TUBGCP3: variants seen among roughly 807,000 people sequenced by gnomAD.
TUBGCP3 encodes the protein gamma-tubulin complex component 3.
Under a neutral mutation model 123.1 loss-of-function variants are expected in TUBGCP3, and 50 were observed. The observed-to-expected ratio is 0.41, with a 90% CI of 0.32 to 0.51. The LOEUF (loss-of-function observed/expected upper bound fraction) is 0.51. Among genes scored for constraint, TUBGCP3 ranks in the 20% least tolerant of loss-of-function variants. The pLI, the probability that TUBGCP3 is intolerant of heterozygous loss-of-function variation, is 0.36. For synonymous variants in TUBGCP3, 405 were observed against 413.9 expected, an observed-to-expected ratio of 0.98 and a Z score of 0.26; for missense variants, 882 against 1,127.0, an observed-to-expected ratio of 0.78 and a Z score of 3.11.
At chr13:112,567,082 G>A (rs767354278) in intron 2 of TUBGCP3, among the ~76,000 whole-genome samples, 1 of 152,184 alleles carries the variant, frequency 6.6e-6, no homozygotes, top group Non-Finnish European at 1.5e-5. Flanking sequence ...CACAGGAAAG[G>A]ACTATAGGTG....
chr13:112,486,278 T>C (rs974531161), intron 21 of TUBGCP3, 127 bp from the exon 22 acceptor site: 1 of 1,171,386 alleles, frequency 8.5e-7, no homozygotes, highest in South Asian at 1.6e-5. Flanking sequence ...CCTTAGTAAA[T>C]GCCCACCAGG....
intron 1 of TUBGCP3, among the ~76,000 whole-genome samples, chr13:112,573,115 T>A (rs534340622): frequency 9.1e-4 from 137 of 150,672 alleles, no homozygotes; most frequent in South Asian, 2.3e-3. Context: ...AAGGAAACTC[T>A]AAGAAAAAGT....
chr13:112,516,651 T>A (rs1292110646), intron 16 of TUBGCP3, 76 bp from the exon 17 acceptor site: 14 of 1,453,368 alleles, frequency 9.6e-6, no homozygotes, highest in African/African-American at 8.6e-5. Context: ...AATCTTTTTT[T>A]AAAAAGGTAC....
At chr13:112,487,359 G>T (rs1272875975) in intron 21 of TUBGCP3, among the ~76,000 whole-genome samples, 1 of 152,106 alleles carries the variant, frequency 6.6e-6, no homozygotes, top group Non-Finnish European at 1.5e-5. Context: ...TTACAGAAAA[G>T]AATCTTCTTT....
intron 1 of TUBGCP3, among the ~76,000 whole-genome samples, chr13:112,584,814 T>C (rs984390317): frequency 2.6e-5 from 4 of 152,208 alleles, no homozygotes; most frequent in African/African-American, 9.6e-5. Flanking sequence ...TCAAGCACAC[T>C]GTTTCCAATG....
At chr13:112,562,156 C>T (rs1880563975) in intron 3 of TUBGCP3, among the ~76,000 whole-genome samples, 2 of 151,656 alleles carry the variant, frequency 1.3e-5, no homozygotes, top group African/African-American at 4.9e-5. Flanking sequence ...CAGCCAGGAC[C>T]CACTAGGGAA....
intron 3 of TUBGCP3, 81 bp downstream of exon 3, chr13:112,565,030 C>T (rs1429659541): frequency 1.6e-6 from 2 of 1,244,710 alleles, no homozygotes; most frequent in Non-Finnish European, 2.2e-6. Context: ...TATGATACCA[C>T]AAAAAACATT....
In TUBGCP3 at chr13:112,565,086, T is replaced by C. The variant is rs1880852723; in HGVS notation, c.252+25A>G. The stretch of plus-strand genomic sequence containing the variant: ...ATCATATCCTCAACAATGAGTGCAA[T>C]GACCTCCAGAATTCTGCACTGTACC... On this transcript the variant is annotated intron_variant, in intron 3 of 21. Coordinates refer to ENST00000261965, the MANE Select transcript of TUBGCP3 (RefSeq NM_006322.6). 5 of 1,605,934 alleles carry C rather than the reference T, an allele frequency of 3.1e-6. No individual in the cohort carries two copies. In the South Asian group the frequency reaches 3.3e-5, roughly 11 times the overall value.
intron 20 of TUBGCP3, 92 bp from the exon 21 acceptor site, chr13:112,489,789 G>T (rs972126680): frequency 3.8e-6 from 4 of 1,040,298 alleles, no homozygotes; most frequent in Non-Finnish European, 4.5e-6. Context: ...GGAGCAGGAG[G>T]TGTCTGCTTT....
intron 13 of TUBGCP3, among the ~76,000 whole-genome samples, chr13:112,525,325 T>C (rs964672226): frequency 2.0e-5 from 3 of 152,196 alleles, no homozygotes; most frequent in Non-Finnish European, 4.4e-5. Context: ...TCCAAAGCCT[T>C]CCTGTTGAGC....
intron 8 of TUBGCP3, among the ~76,000 whole-genome samples, chr13:112,552,841 CT>C (rs1380701892): frequency 2.7e-5 from 4 of 148,432 alleles, no homozygotes; most frequent in Non-Finnish European, 6.0e-5. Context: ...CAGCACACTC[CT>C]CCCCACCAGC....
At chr13:112,503,357 TTTG>T (rs887399929) in intron 19 of TUBGCP3, among the ~76,000 whole-genome samples, 22 of 152,200 alleles carry the variant, frequency 1.4e-4, no homozygotes, top group South Asian at 1.2e-3. Flanking sequence ...ACCATGGTTT[TTTG>T]TTGTTGTTGT....
chr13:112,521,226 C>G (rs1876594770), intron 14 of TUBGCP3, among the ~76,000 whole-genome samples: 2 of 152,250 alleles, frequency 1.3e-5, no homozygotes, highest in South Asian at 4.1e-4. Context: ...TCACAACCAG[C>G]ATTTACTGTA....
intron 2 of TUBGCP3, among the ~76,000 whole-genome samples, chr13:112,566,823 T>C (rs754568501): frequency 6.6e-6 from 1 of 152,218 alleles, no homozygotes; most frequent in Non-Finnish European, 1.5e-5. Context: ...TTAGCACATC[T>C]CCAGTTACAA....
At chr13:112,595,736 A>T in the TUBGCP3 span, among the ~76,000 whole-genome samples, 1 of 124,776 alleles carries the variant, frequency 8.0e-6, no homozygotes, top group Non-Finnish European at 1.7e-5. Flanking sequence ...TAGTTGGGCC[A>T]TTTTTTTTAA....
chr13:112,559,206 G>A, intron 4 of TUBGCP3, 116 bp downstream of exon 4: 1 of 808,200 alleles, frequency 1.2e-6, no homozygotes, highest in Non-Finnish European at 2.0e-6. Flanking sequence ...GACCTTCCAT[G>A]ACAGACAAGC....
At chr13:112,509,595 T>C (rs1191575656) in intron 17 of TUBGCP3, among the ~76,000 whole-genome samples, 1 of 152,220 alleles carries the variant, frequency 6.6e-6, no homozygotes, top group African/African-American at 2.4e-5. Flanking sequence ...AAATCATCTT[T>C]TATTGTGTCT....
At chr13:112,561,095 C>A (rs901976207) in intron 3 of TUBGCP3, among the ~76,000 whole-genome samples, 1 of 152,182 alleles carries the variant, frequency 6.6e-6, no homozygotes, top group African/African-American at 2.4e-5. Context: ...AGGAAGCCTG[C>A]GAAGGACGTC....
intron 1 of TUBGCP3, chr13:112,584,096 A>G (rs1164553007): frequency 6.6e-6 from 1 of 152,234 alleles, no homozygotes; most frequent in African/African-American, 2.4e-5. Context: ...CAGGCAATCA[A>G]CGTTATCAGG....
Sources: allele counts gnomAD v4.1 joint callset (sites outside exome capture counted in the v4.1 genomes callset), GRCh38; gene constraint gnomAD v4.1.1; transcripts MANE v1.5; gene names NCBI Gene and HGNC (gene_info 2026-07-23, HGNC 2026-07-21).